The following SORCS3 variants were observed in gnomAD, a reference collection of about 807,000 sequenced individuals.
The protein encoded by SORCS3 is sortilin related VPS10 domain containing receptor 3.
SORCS3 carries 57 observed loss-of-function variants against 146.3 expected under a neutral mutation model. The observed-to-expected ratio is 0.39, with a 90% CI of 0.31 to 0.49. SORCS3 has a LOEUF of 0.49. Ranked by LOEUF, SORCS3 falls within the 20% of genes least tolerant of loss-of-function variation. The pLI, the probability that SORCS3 is intolerant of heterozygous loss-of-function variation, is 0.92. For missense variants in SORCS3, 1,341 were observed against 1,575.5 expected, an observed-to-expected ratio of 0.85 and a Z score of 2.52; for synonymous variants, 653 against 618.5, an observed-to-expected ratio of 1.06 and a Z score of -0.83.
At chr10:104,794,627 GAGAGAGAGAGA>G (rs2017532101) in intron 1 of SORCS3, among the ~76,000 whole-genome samples, 1 of 142,328 alleles carries the variant, frequency 7.0e-6, no homozygotes, top group Non-Finnish European at 1.5e-5. Context: ...GGGAGGGAGA[GAGAGAGAGAGA>G]GAGAGAGAGA....
chr10:104,919,810 A>T (rs1478243837), intron 3 of SORCS3, among the ~76,000 whole-genome samples: 1 of 152,216 alleles, frequency 6.6e-6, no homozygotes, highest in Admixed American at 6.5e-5. Context: ...ATGTATTGTA[A>T]TCTGAGCCTC....
At chr10:105,212,035 T>A (rs775296719) in intron 17 of SORCS3, among the ~76,000 whole-genome samples, 11 of 152,228 alleles carry the variant, frequency 7.2e-5, no homozygotes, top group Non-Finnish European at 1.3e-4. Context: ...TGGATGCCAG[T>A]CTTAACTCTC....
chr10:105,150,954 T>G (rs940414576), intron 9 of SORCS3, among the ~76,000 whole-genome samples: 4 of 152,200 alleles, frequency 2.6e-5, no homozygotes, highest in African/African-American at 9.6e-5. Context: ...GTAATGCAAC[T>G]GAGAAAAACA....
In SORCS3 at chr10:104,957,554, A is replaced by AACACACACACACACACACACAC. The variant is rs10660859; in HGVS notation, c.796-19776_796-19755dup. 1.5e-3 allele frequency among the ~76,000 whole-genome samples: 216 copies of AACACACACACACACACACACAC among 148,470 alleles called. 1 individual carries two copies. Among genetic ancestry groups the AACACACACACACACACACACAC allele is most frequent in the African/African-American group, 5.0e-3 (201 of 40,374 alleles). On this transcript the variant is annotated intron_variant, in intron 3 of 26. Coordinates refer to ENST00000369701, the MANE Select transcript of SORCS3 (RefSeq NM_014978.3). ...CTTTCTTTCTGCAATAAGGAAAGAA[A>AACACACACACACACACACACAC]ACACACACACACACACACACACACA...
chr10:105,138,800 CA>C (rs987188507), intron 7 of SORCS3, among the ~76,000 whole-genome samples: 1 of 152,166 alleles, frequency 6.6e-6, no homozygotes, highest in Non-Finnish European at 1.5e-5. Context: ...TTCTGAATTT[CA>C]AATTTGGAGT....
At chr10:104,783,295 T>C (rs2017395699) in intron 1 of SORCS3, among the ~76,000 whole-genome samples, 1 of 152,206 alleles carries the variant, frequency 6.6e-6, no homozygotes, top group Non-Finnish European at 1.5e-5. Flanking sequence ...CTCAATAGAC[T>C]ATTGGACCTG....
chr10:105,201,082 G>C, intron 15 of SORCS3, 38 bp from the exon 16 acceptor site: 2 of 1,595,160 alleles, frequency 1.3e-6, no homozygotes, highest in Non-Finnish European at 8.5e-7. Context: ...CCACCTTTTT[G>C]TTTTTCTGTC....
At chr10:104,924,727 T>C (rs2133606260) in intron 3 of SORCS3, among the ~76,000 whole-genome samples, 1 of 152,334 alleles carries the variant, frequency 6.6e-6, no homozygotes, top group South Asian at 2.1e-4. Context: ...AATTCTCTGA[T>C]CCTCACCTTC....
chr10:104,807,021 G>T (rs75388478), intron 1 of SORCS3, among the ~76,000 whole-genome samples: 2,041 of 152,052 alleles, frequency 0.013, 50 homozygotes, highest in African/African-American at 0.047. Context: ...AGATTCTTTA[G>T]AGTACATCCT....
At chr10:104,876,942 G>C (rs2018581807) in intron 2 of SORCS3, among the ~76,000 whole-genome samples, 1 of 152,002 alleles carries the variant, frequency 6.6e-6, no homozygotes, top group African/African-American at 2.4e-5. Flanking sequence ...TGCAGCCTCA[G>C]CCTTCCAGGC....
chr10:105,005,950 A>G (rs1247324403), intron 4 of SORCS3, among the ~76,000 whole-genome samples: 2 of 151,942 alleles, frequency 1.3e-5, no homozygotes, highest in African/African-American at 4.8e-5. Flanking sequence ...TAATTCTTCA[A>G]TTTCTTTTCT....
intron 11 of SORCS3, among the ~76,000 whole-genome samples, chr10:105,162,868 C>G (rs1162582148): frequency 6.6e-6 from 1 of 152,074 alleles, no homozygotes; most frequent in African/African-American, 2.4e-5. Context: ...CCTTGGTAGA[C>G]ATCTGTTGAT....
rs147893645 is a variant in SORCS3, at chr10:104,653,722, G to A, written c.627+11768G>A. 1.3e-3 allele frequency among the ~76,000 whole-genome samples: 192 copies of A among 152,138 alleles called. 1 individual carries two copies. Among genetic ancestry groups the A allele is most frequent in the African/African-American group, 4.4e-3 (184 of 41,490 alleles). ...ATTTATGCGATACGTGAGATGTTTT[G>A]GTACAGATATGCATTGCATAATAAT... On this transcript the variant is annotated intron_variant, in intron 1 of 26. Coordinates refer to ENST00000369701, the MANE Select transcript of SORCS3 (RefSeq NM_014978.3).
intron 7 of SORCS3, among the ~76,000 whole-genome samples, chr10:105,116,094 T>C (rs893054785): frequency 1.6e-4 from 24 of 152,228 alleles, no homozygotes; most frequent in Admixed American, 7.2e-4. Flanking sequence ...GTAATGATTA[T>C]AGTGGTTTGC....
At chr10:104,898,947 A>G (rs1239698780) in intron 2 of SORCS3, among the ~76,000 whole-genome samples, 3 of 152,224 alleles carry the variant, frequency 2.0e-5, no homozygotes, top group Non-Finnish European at 4.4e-5. Context: ...AGTTGCTTCA[A>G]TGCATACAGT....
chr10:104,646,768 G>T (rs2015500145), intron 1 of SORCS3, among the ~76,000 whole-genome samples: 1 of 152,146 alleles, frequency 6.6e-6, no homozygotes, highest in African/African-American at 2.4e-5. Flanking sequence ...TGTGGAGGAG[G>T]AGGTGGGAGA....
intron 4 of SORCS3, among the ~76,000 whole-genome samples, chr10:104,993,262 G>A (rs868126970): frequency 6.6e-6 from 1 of 152,144 alleles, no homozygotes; most frequent in African/African-American, 2.4e-5. Context: ...CGCTGTTGCC[G>A]AGGTGCACTG....
intron 6 of SORCS3, among the ~76,000 whole-genome samples, chr10:105,095,496 G>A (rs544992102): frequency 2.0e-4 from 30 of 152,204 alleles, no homozygotes; most frequent in Admixed American, 1.0e-3. Flanking sequence ...TGATGACACC[G>A]GACTTGCCAA....
At chr10:104,908,588 C>G (rs2018933261) in intron 2 of SORCS3, among the ~76,000 whole-genome samples, 1 of 152,138 alleles carries the variant, frequency 6.6e-6, no homozygotes. Flanking sequence ...CTTTGTACTA[C>G]TCCAGTCTGC....
Sources: gnomAD v4.1 joint callset for allele counts (sites outside exome capture counted in the v4.1 genomes callset) on GRCh38, gnomAD v4.1.1 for gene constraint, MANE v1.5 for transcripts, NCBI Gene and HGNC (gene_info 2026-07-23, HGNC 2026-07-21) for gene names.